Variants in MYH10 observed in about 807,000 individuals in gnomAD.
The protein encoded by MYH10 is myosin-10.
MYH10 carries 55 observed loss-of-function variants against 257.8 expected under a neutral mutation model. The ratio of observed to expected loss-of-function variants is 0.21; its 90% CI spans 0.17 to 0.27. The LOEUF (loss-of-function observed/expected upper bound fraction) is 0.27. Ranked by LOEUF, MYH10 falls within the 10% of genes least tolerant of loss-of-function variation. The probability of loss-of-function intolerance (pLI) is 1.00; values close to 1 mark genes in which losing one functional copy is unlikely to be tolerated. For missense variants in MYH10, 1,631 were observed against 2,500.6 expected (o/e 0.65, Z 7.42); for synonymous variants, 854 against 921.7 (o/e 0.93, Z 1.33).
rs1380146961 is a variant in MYH10, at chr17:8,552,285, C to G, written c.821-141G>C. ...ATAAACTATCCTGCAATGAACTATT[C>G]TAAATGACTGTCTTCCATCTGTGAA... On this transcript the variant is annotated intron_variant, in intron 8 of 42. Transcript: ENST00000360416. The surrounding 1 kb of genome is among the most constrained non-coding windows in gnomAD (Gnocchi z 4.8). 2.4e-6 allele frequency: 1 copy of G among 415,116 alleles called. No homozygotes were observed. The highest frequency in any genetic ancestry group is 2.1e-5 in the African/African-American group (1 of 48,590). The allele number at this position is 415,116 out of a possible 1,614,324, so 25.7% of individuals were successfully genotyped here. A position where few individuals can be genotyped will look rare whatever the true frequency, so the allele number is the denominator to read the frequency against.
chr17:8,556,293 T>G (rs139148181), intron 7 of MYH10, among the ~76,000 whole-genome samples: 117 of 152,332 alleles, frequency 7.7e-4, no homozygotes, highest in Non-Finnish European at 1.3e-3. Context: ...AAGGAATGCA[T>G]GCATCCACAT....
chr17:8,500,756 C>T, intron 29 of MYH10, 70 bp downstream of exon 29: 2 of 1,549,172 alleles, frequency 1.3e-6, no homozygotes, highest in Non-Finnish European at 1.7e-6. Context: ...ACAGAACGGG[C>T]AGATAGGATG....
intron 7 of MYH10, among the ~76,000 whole-genome samples, chr17:8,560,108 G>T (rs2082936862): frequency 6.6e-6 from 1 of 152,006 alleles, no homozygotes; most frequent in African/African-American, 2.4e-5. Context: ...TAAACTTTTA[G>T]CTTTCACCAA....
At chr17:8,525,609 G>GT (rs2081816203) in intron 17 of MYH10, among the ~76,000 whole-genome samples, 1 of 152,268 alleles carries the variant, frequency 6.6e-6, no homozygotes, top group African/African-American at 2.4e-5. Context: ...TGGTTGTGCA[G>GT]TACTTTAGCC....
intron 9 of MYH10, among the ~76,000 whole-genome samples, chr17:8,551,326 C>G (rs1020771449): frequency 2.6e-5 from 4 of 152,002 alleles, no homozygotes; most frequent in Non-Finnish European, 4.4e-5. Context: ...GCAGGTCATT[C>G]TCTGATTAAT....
chr17:8,538,239 C>A (rs2082197862), intron 14 of MYH10, among the ~76,000 whole-genome samples: 1 of 152,166 alleles, frequency 6.6e-6, no homozygotes, highest in African/African-American at 2.4e-5. Context: ...GAGTCTCGCT[C>A]TTGTCCCCCA....
In MYH10 at chr17:8,476,906, C is replaced by T. The variant is rs367919911; in HGVS notation, c.5849G>A (p.Arg1950His). Residue 1950 changes from arginine (R) to histidine (H), a missense_variant, in exon 42 of 43, where the codon CGC (arginine) becomes CAC (histidine). Coordinates refer to ENST00000360416, the MANE Select transcript of MYH10 (RefSeq NM_001256012.3). The part of the protein sequence containing the change: ...DATEANEGLS[R>H]EVSTLKNRLR... Reference sequence around the variant, plus strand: ...CCGGTTCTTCAGGGTGCTGACCTCGCGGCTCAGGCCCTCGTTGGCCTCGGT... The same window carrying T: ...CCGGTTCTTCAGGGTGCTGACCTCGTGGCTCAGGCCCTCGTTGGCCTCGGT... The T allele has an allele frequency of 2.6e-5, 42 of 1,611,778 alleles. No individual in the cohort carries two copies. The highest frequency in any genetic ancestry group is 1.4e-4 in the South Asian group (13 of 91,056).
chr17:8,559,287 T>C (rs896188340), intron 7 of MYH10, among the ~76,000 whole-genome samples: 2 of 152,178 alleles, frequency 1.3e-5, no homozygotes, highest in Non-Finnish European at 2.9e-5. Context: ...ACTGACATAA[T>C]GACTAGAAAT....
intron 17 of MYH10, among the ~76,000 whole-genome samples, chr17:8,528,828 G>A (rs1426062018): frequency 6.6e-6 from 1 of 152,148 alleles, no homozygotes; most frequent in African/African-American, 2.4e-5. Flanking sequence ...AAGAGAAAAC[G>A]ATTTTGCTGT....
intron 3 of MYH10, 32 bp from the exon 4 acceptor site, chr17:8,589,140 G>C: frequency 6.2e-7 from 1 of 1,605,718 alleles, no homozygotes; most frequent in Non-Finnish European, 8.5e-7. Flanking sequence ...ACAAAAAAAA[G>C]AAAGTGACCA....
chr17:8,623,099 T>C lies in MYH10; in HGVS notation c.148A>G (p.Ile50Val). The change falls in exon 2 of 43, where the codon ATC (isoleucine) becomes GTC (valine). Residue 50 changes from isoleucine to valine, a missense_variant. By Grantham distance (29) the Ile-to-Val change is conservative. Transcript: ENST00000360416. ...ACTTCATCTCCCCGTTCTTCTTTGA[T>C]ACTAGCTGCCTCAAAACCATGGCGT... Reference protein sequence around the residue: ...SERHGFEAASIKEERGDEVMV... With the variant: ...SERHGFEAASVKEERGDEVMV... The C allele has an allele frequency of 1.9e-6, 3 of 1,614,174 alleles. No homozygotes were observed. Among genetic ancestry groups the C allele is most frequent in the Non-Finnish European group, 2.5e-6 (3 of 1,180,030 alleles).
In MYH10 at chr17:8,515,560, T is replaced by TTTG. The variant is rs1491456989; in HGVS notation, c.2505-1667_2505-1666insCAA. 8.1e-5 allele frequency among the ~76,000 whole-genome samples: 8 copies of TTTG among 98,712 alleles called. 2 individuals carry two copies. In the East Asian group the frequency reaches 9.5e-4, roughly 12 times the overall value. The allele number at this position is 98,712 out of a possible 152,430, so 64.8% of individuals were successfully genotyped here. On this transcript the variant is annotated intron_variant, in intron 21 of 42. Transcript: ENST00000360416. ...TTTTTTTTTTTTTTTTTTTTTTTTT[T>TTTG]GAGACAGAGTCTTGCTCTGTCGCCC... is the stretch of plus-strand genomic sequence containing the variant.
intron 3 of MYH10, among the ~76,000 whole-genome samples, chr17:8,589,570 G>A (rs1272727118): frequency 6.6e-6 from 1 of 152,080 alleles, no homozygotes; most frequent in Admixed American, 6.5e-5. Flanking sequence ...TTTCAGAATG[G>A]CTTCAAGAAT....
Position 8,490,673 on chromosome 17 carries a change from G to A in MYH10, c.4672-121C>T. 3 of 863,892 alleles carry A rather than the reference G, an allele frequency of 3.5e-6. No homozygotes were observed. The highest frequency in any genetic ancestry group is 2.6e-5 in the East Asian group (1 of 38,930). The allele number at this position is 863,892 out of a possible 1,614,324, so 53.5% of individuals were successfully genotyped here. A position where few individuals can be genotyped will look rare whatever the true frequency, so the allele number is the denominator to read the frequency against. ...TGGCCACTTTGGTCCCCCTGGGCCGGCCCCCTGCCACATGCATACACATCC... is the reference window on the plus strand; with the variant it reads ...TGGCCACTTTGGTCCCCCTGGGCCGACCCCCTGCCACATGCATACACATCC... On this transcript the variant is annotated intron_variant, in intron 34 of 42. Transcript: ENST00000360416. This position sits in a 1 kb window ranked among gnomAD's most constrained non-coding sequence, Gnocchi z 4.1.
rs2081024056 is a variant in MYH10 at position 8,504,923 on chromosome 17, G to C, written c.3387-17C>G. 6.2e-7 allele frequency: 1 copy of C among 1,609,484 alleles called. No homozygotes were observed. On this transcript the variant is annotated splice_polypyrimidine_tract_variant and intron_variant, in intron 27 of 42. Transcript: ENST00000360416. This position sits in a 1 kb window ranked among gnomAD's most constrained non-coding sequence, Gnocchi z 5.6. ...TCATCACCTCTGTTAAAACACCCAG[G>C]CGCAAGAGGCACTCAGAGATGGCAC...
At chr17:8,488,978 A>G (rs1371977114) in intron 35 of MYH10, among the ~76,000 whole-genome samples, 1 of 152,160 alleles carries the variant, frequency 6.6e-6, no homozygotes, top group Admixed American at 6.5e-5. Context: ...GGCCAGACTT[A>G]GTGACTTGCT....
rs1375823690 is a variant in MYH10, at chr17:8,522,089, A to G, written c.1958-804T>C. 2.0e-5 allele frequency among the ~76,000 whole-genome samples: 3 copies of G among 152,248 alleles called. No homozygotes were observed. In the East Asian group the frequency reaches 5.8e-4, roughly 29 times the overall value. ...CAGCCACAAGCAAAACATTTGGTGC[A>G]TAATGTACATATCCTCTTATTGAAA... On this transcript the variant is annotated intron_variant, in intron 17 of 42. Transcript: ENST00000360416.
At chr17:8,514,624 A>G (rs1048573414) in intron 21 of MYH10, among the ~76,000 whole-genome samples, 6 of 151,578 alleles carry the variant, frequency 4.0e-5, no homozygotes, top group African/African-American at 1.5e-4. Context: ...AGAAACCCTC[A>G]ACCCCCCTCC....
intron 21 of MYH10, among the ~76,000 whole-genome samples, chr17:8,518,104 C>CGTGTGTGT (rs58352961): frequency 0.026 from 2,974 of 116,540 alleles, 66 homozygotes; most frequent in South Asian, 0.055. Flanking sequence ...CCCTTGGCCC[C>CGTGTGTGT]GTGTGTGTGT....
Sources: allele counts gnomAD v4.1 joint callset (sites outside exome capture counted in the v4.1 genomes callset), GRCh38; gene constraint gnomAD v4.1.1; non-coding constraint Gnocchi (gnomAD v3.1); transcripts MANE v1.5; gene names NCBI Gene and HGNC (gene_info 2026-07-23, HGNC 2026-07-21).